Variants in CHIC2 observed in about 807,000 individuals in gnomAD.
The protein encoded by CHIC2 is cysteine-rich hydrophobic domain-containing protein 2.
A neutral mutation model predicts 25.9 loss-of-function variants in CHIC2; 14 were observed. That is an observed-to-expected ratio of 0.54 (90% CI 0.36 to 0.85). The LOEUF is 0.85. CHIC2 is among the 40% of genes least tolerant of loss of function. The pLI, the probability that CHIC2 is intolerant of heterozygous loss-of-function variation, is 0.01. For synonymous variants in CHIC2, 70 were observed against 72.0 expected, an observed-to-expected ratio of 0.97 and a Z score of 0.14; for missense variants, 146 against 202.0, an observed-to-expected ratio of 0.72 and a Z score of 1.68.
intron 1 of CHIC2, among the ~76,000 whole-genome samples, chr4:54,061,751 A>AG (rs944302344): frequency 2.0e-5 from 3 of 152,104 alleles, no homozygotes; most frequent in Non-Finnish European, 4.4e-5. Context: ...TAAAAAAAAA[A>AG]GTTTTCTATT....
At chr4:54,061,752 G>C (rs1036728829) in intron 1 of CHIC2, among the ~76,000 whole-genome samples, 20 of 151,882 alleles carry the variant, frequency 1.3e-4, no homozygotes, top group Non-Finnish European at 2.8e-4. Context: ...AAAAAAAAAA[G>C]TTTTCTATTA....
the CHIC2 span, among the ~76,000 whole-genome samples, chr4:54,078,055 A>G: frequency 1.3e-5 from 2 of 152,228 alleles, no homozygotes; most frequent in Non-Finnish European, 2.9e-5. Flanking sequence ...TCTCAGATCA[A>G]CTGAGAATGA....
At chr4:54,029,911 A>G (rs923038756) in intron 3 of CHIC2, among the ~76,000 whole-genome samples, 1 of 152,222 alleles carries the variant, frequency 6.6e-6, no homozygotes, top group Non-Finnish European at 1.5e-5. Context: ...TTCTAACTTA[A>G]AAACAAAACT....
At chr4:54,073,910 A>G in the CHIC2 span, among the ~76,000 whole-genome samples, 1 of 152,142 alleles carries the variant, frequency 6.6e-6, no homozygotes, top group African/African-American at 2.4e-5. Context: ...TAATCCCAGC[A>G]CTTTGGGAGG....
At chr4:54,073,225 C>A in the CHIC2 span, among the ~76,000 whole-genome samples, 2 of 152,134 alleles carry the variant, frequency 1.3e-5, no homozygotes, top group African/African-American at 2.4e-5. Context: ...TGGTCAACAG[C>A]CTTCTTAACA....
chr4:54,020,852 G>A (rs1308469566), intron 3 of CHIC2, among the ~76,000 whole-genome samples: 2 of 152,128 alleles, frequency 1.3e-5, no homozygotes, highest in East Asian at 3.9e-4. Flanking sequence ...ACGCCTGCCT[G>A]ATTATTCACC....
At chr4:54,063,372 C>A (rs969747679) in intron 1 of CHIC2, among the ~76,000 whole-genome samples, 4 of 152,172 alleles carry the variant, frequency 2.6e-5, no homozygotes, top group African/African-American at 9.7e-5. Flanking sequence ...TTCCTGCTTC[C>A]GGACAGCTCA....
At chr4:54,072,207 G>A in the CHIC2 span, among the ~76,000 whole-genome samples, 1 of 151,892 alleles carries the variant, frequency 6.6e-6, no homozygotes, top group African/African-American at 2.4e-5. Context: ...GGAGGCTGAG[G>A]CAGGAGAATG....
chr4:54,032,914 G>A (rs568556137), intron 3 of CHIC2, among the ~76,000 whole-genome samples: 2 of 152,298 alleles, frequency 1.3e-5, no homozygotes, highest in East Asian at 1.9e-4. Flanking sequence ...GTGGGGCCTC[G>A]TGGAAGGTGA....
In CHIC2 at chr4:54,064,214, C is replaced by G. The variant is rs1275079175; in HGVS notation, c.87G>C (p.Pro29=). Residue 29 remains proline (P), a synonymous_variant, in exon 1 of 6, where the codon CCG becomes CCC. Coordinates refer to ENST00000263921, the MANE Select transcript of CHIC2 (RefSeq NM_012110.4). The surrounding 1 kb of genome is among the most constrained non-coding windows in gnomAD (Gnocchi z 4.2). ...CGTGACCGGAGCCGCGGACGACCAC[C>G]GGGTCCGGCGAGTACTTGAGCAGCT... The part of the protein sequence containing the change: ...EEQLLKYSPD[P]VVVRGSGHVT... The G allele has an allele frequency of 6.2e-7, 1 of 1,606,488 alleles. No individual in the cohort carries two copies. Among genetic ancestry groups the G allele is most frequent in the Non-Finnish European group, 8.5e-7 (1 of 1,176,672 alleles).
chr4:54,058,627 T>C (rs1717247466), intron 1 of CHIC2, among the ~76,000 whole-genome samples: 1 of 150,796 alleles, frequency 6.6e-6, no homozygotes, highest in African/African-American at 2.4e-5. Context: ...GAAGGATACT[T>C]AAGAGCATCT....
intron 1 of CHIC2, among the ~76,000 whole-genome samples, chr4:54,063,039 G>C (rs1410552486): frequency 6.6e-6 from 1 of 152,144 alleles, no homozygotes; most frequent in Non-Finnish European, 1.5e-5. Context: ...CATTACATAA[G>C]CATACTCAAA....
At chr4:54,057,196 A>G (rs1345280186) in intron 1 of CHIC2, among the ~76,000 whole-genome samples, 1 of 152,214 alleles carries the variant, frequency 6.6e-6, no homozygotes, top group African/African-American at 2.4e-5. Flanking sequence ...TGGTTTACAC[A>G]CAGAACTGTA....
chr4:54,024,342 G>C (rs1715994338), intron 3 of CHIC2, among the ~76,000 whole-genome samples: 1 of 152,158 alleles, frequency 6.6e-6, no homozygotes, highest in Non-Finnish European at 1.5e-5. Flanking sequence ...GGAGTGGATA[G>C]ATGATCTTTG....
intron 3 of CHIC2, among the ~76,000 whole-genome samples, chr4:54,035,309 T>C (rs11934081): frequency 0.26 from 40,172 of 152,154 alleles, 6,327 homozygotes; most frequent in Middle Eastern, 0.4. Context: ...TTGTGTAGAA[T>C]AGGCATTACT....
intron 3 of CHIC2, among the ~76,000 whole-genome samples, chr4:54,039,196 T>C (rs994273004): frequency 2.6e-5 from 4 of 152,112 alleles, no homozygotes; most frequent in Admixed American, 1.3e-4. Flanking sequence ...AATTCTTAGA[T>C]ACAGCACAAA....
chr4:54,031,220 C>A (rs574495497), intron 3 of CHIC2, among the ~76,000 whole-genome samples: 8 of 151,672 alleles, frequency 5.3e-5, no homozygotes, highest in African/African-American at 1.9e-4. Context: ...TTAAGCAACT[C>A]TCTCAAGGTC....
intron 1 of CHIC2, among the ~76,000 whole-genome samples, chr4:54,050,131 T>A (rs934399779): frequency 6.6e-6 from 1 of 152,174 alleles, no homozygotes; most frequent in African/African-American, 2.4e-5. Context: ...GCACATTCCA[T>A]GCAACACTTC....
intron 1 of CHIC2, among the ~76,000 whole-genome samples, chr4:54,063,261 T>C (rs887492685): frequency 2.0e-5 from 3 of 152,228 alleles, no homozygotes; most frequent in Non-Finnish European, 2.9e-5. Context: ...AGTATGGAAG[T>C]CTGATCTATT....
Sources: allele counts gnomAD v4.1 joint callset (sites outside exome capture counted in the v4.1 genomes callset), GRCh38; gene constraint gnomAD v4.1.1; non-coding constraint Gnocchi (gnomAD v3.1); transcripts MANE v1.5; gene names NCBI Gene and HGNC (gene_info 2026-07-23, HGNC 2026-07-21).